Variants in TAF12 observed in about 807,000 individuals in gnomAD.
TAF12 encodes the protein TATA-box binding protein associated factor 12, also known as transcription initiation factor TFIID subunit 12.
In TAF12, 3 loss-of-function variants were observed where a neutral mutation model predicts 20.8. That is an observed-to-expected ratio of 0.14 (90% CI 0.07 to 0.37). The LOEUF is 0.37. Among genes scored for constraint, TAF12 ranks in the 10% least tolerant of loss-of-function variants. The pLI, the probability that TAF12 is intolerant of heterozygous loss-of-function variation, is 1.00. For missense variants in TAF12, 131 were observed against 197.9 expected (o/e 0.66, Z 2.03); for synonymous variants, 69 against 70.2 (o/e 0.98, Z 0.09).
intron 4 of TAF12, among the ~76,000 whole-genome samples, chr1:28,607,789 A>G (rs1308056971): frequency 6.6e-6 from 1 of 152,060 alleles, no homozygotes; most frequent in East Asian, 1.9e-4. Context: ...GCAGTGAGCC[A>G]TAATCACACC....
rs1374665802 is a variant in TAF12 at position 28,635,557 on chromosome 1, G to C, written c.-85+7435C>G. On this transcript the variant is annotated intron_variant, in intron 1 of 5. Coordinates refer to ENST00000373824, the MANE Select transcript of TAF12 (RefSeq NM_005644.4). ...CCTGAACTCATGATCTGCCCACCTC[G>C]GCCTCCCAAAGTGCTGGGATTACAG... Among the ~76,000 whole-genome samples, 8 of 150,624 alleles carry C rather than the reference G, an allele frequency of 5.3e-5. No individual in the cohort carries two copies. The East Asian group carries it at 1.6e-3, about 30-fold the overall frequency.
At chr1:28,613,965 C>T (rs1184857075) in intron 3 of TAF12, among the ~76,000 whole-genome samples, 4 of 152,150 alleles carry the variant, frequency 2.6e-5, no homozygotes, top group Non-Finnish European at 5.9e-5. Flanking sequence ...ATAGGCCGGG[C>T]GTGGTGGCTC....
At chr1:28,604,385 C>T (rs1666597862) in intron 5 of TAF12, among the ~76,000 whole-genome samples, 1 of 152,196 alleles carries the variant, frequency 6.6e-6, no homozygotes, top group African/African-American at 2.4e-5. Flanking sequence ...ATCATGGAAA[C>T]ACTCAGATCA....
intron 1 of TAF12, among the ~76,000 whole-genome samples, chr1:28,639,544 A>G (rs1448332165): frequency 1.3e-5 from 2 of 152,112 alleles, no homozygotes; most frequent in Non-Finnish European, 2.9e-5. Flanking sequence ...TCAACGCTAG[A>G]GCCACAAATG....
At chr1:28,647,324 G>A (rs1668219780), upstream of TAF12, among the ~76,000 whole-genome samples, 1 of 151,486 alleles carries the variant, frequency 6.6e-6, no homozygotes, top group Non-Finnish European at 1.5e-5. Flanking sequence ...ATCTTCATCT[G>A]TCACCTAGGC....
upstream of TAF12, chr1:28,643,197 A>G: frequency 1.2e-6 from 1 of 808,122 alleles, no homozygotes; most frequent in Non-Finnish European, 1.5e-6. Context: ...TGGTGGCGAT[A>G]TTGAGCTGTG....
At chr1:28,603,677 C>T in intron 5 of TAF12, 103 bp from the exon 6 acceptor site, 2 of 1,213,768 alleles carry the variant, frequency 1.6e-6, no homozygotes, top group Non-Finnish European at 2.4e-6. Context: ...ACACTGTAGG[C>T]CGCAGCCCTC....
intron 4 of TAF12, among the ~76,000 whole-genome samples, chr1:28,612,197 C>G (rs944988961): frequency 9.2e-5 from 14 of 151,984 alleles, no homozygotes; most frequent in African/African-American, 3.4e-4. Context: ...TGACTGTAAT[C>G]CCAGCACTTT....
At chr1:28,627,855 C>T (rs932399232) in intron 1 of TAF12, among the ~76,000 whole-genome samples, 9 of 151,866 alleles carry the variant, frequency 5.9e-5, no homozygotes, top group South Asian at 2.1e-4. Context: ...AAAAACTAAA[C>T]GAAACAAAAG....
intron 1 of TAF12, among the ~76,000 whole-genome samples, chr1:28,624,771 A>AAAT (rs1051423780): frequency 5.3e-5 from 8 of 151,608 alleles, no homozygotes; most frequent in South Asian, 4.1e-4. Flanking sequence ...ATAAAAAAAT[A>AAAT]AATAATAATA....
At chr1:28,604,379 T>C (rs1339103204) in intron 5 of TAF12, among the ~76,000 whole-genome samples, 2 of 152,332 alleles carry the variant, frequency 1.3e-5, no homozygotes, top group East Asian at 1.9e-4. Context: ...CAGTCCATCA[T>C]GGAAACACTC....
chr1:28,638,173 G>GTATTTTATTTTATTTTATTT (rs766915282), intron 1 of TAF12, among the ~76,000 whole-genome samples: 12 of 150,286 alleles, frequency 8.0e-5, no homozygotes, highest in African/African-American at 2.9e-4. Flanking sequence ...GCTAATTTTT[G>GTATTTTATTTTATTTTATTT]TATTTTATTT....
chr1:28,608,915 T>C (rs1169773897), intron 4 of TAF12, among the ~76,000 whole-genome samples: 1 of 151,674 alleles, frequency 6.6e-6, no homozygotes, highest in African/African-American at 2.4e-5. Flanking sequence ...CATTCCAGCC[T>C]GGGCAAAAAG....
At chr1:28,621,234 T>C (rs980130282) in intron 2 of TAF12, among the ~76,000 whole-genome samples, 1 of 152,144 alleles carries the variant, frequency 6.6e-6, no homozygotes, top group Non-Finnish European at 1.5e-5. Flanking sequence ...CCTCCACTCA[T>C]TCCCTTGAAA....
chr1:28,633,875 G>A (rs1164581287), intron 1 of TAF12, among the ~76,000 whole-genome samples: 2 of 145,706 alleles, frequency 1.4e-5, no homozygotes, highest in African/African-American at 2.6e-5. Context: ...TTGTGCCATC[G>A]CACTCCAGCC....
At chr1:28,642,765 G>A (rs879702210) in intron 1 of TAF12, 45 of 985,172 alleles carry the variant, frequency 4.6e-5, no homozygotes, top group Non-Finnish European at 5.2e-5. Context: ...AGATGCCGGA[G>A]AACTCGCATC....
chr1:28,621,940 C>G lies in TAF12; in HGVS notation c.142G>C (p.Gly48Arg). The G allele has an allele frequency of 1.9e-6, 3 of 1,613,572 alleles. No homozygotes were observed. Among genetic ancestry groups the G allele is most frequent in the Non-Finnish European group, 2.5e-6 (3 of 1,179,884 alleles). Residue 48 changes from glycine (G) to arginine (R), a missense_variant, in exon 2 of 6, where the codon GGT becomes CGT. Physicochemically the swap from Gly to Arg is moderately radical, Grantham distance 125. Coordinates refer to ENST00000373824, the MANE Select transcript of TAF12 (RefSeq NM_005644.4). Reference protein sequence around the residue: ...VKIPGTPGAGGRLSPENNQVL... With the variant: ...VKIPGTPGAGRRLSPENNQVL... ...TGATTGTTTTCAGGGCTAAGACGAC[C>G]TCCTGCCCCAGGAGTGCCTGGTATC... is the stretch of plus-strand genomic sequence containing the variant.
chr1:28,632,465 G>C (rs917555284), intron 1 of TAF12, among the ~76,000 whole-genome samples: 3 of 152,066 alleles, frequency 2.0e-5, no homozygotes, highest in African/African-American at 4.8e-5. Context: ...GCAGTGTGCA[G>C]AGATCGCACC....
chr1:28,642,479 G>A (rs1668069023), intron 1 of TAF12, among the ~76,000 whole-genome samples: 1 of 151,996 alleles, frequency 6.6e-6, no homozygotes, highest in Non-Finnish European at 1.5e-5. Context: ...CCCCAAAGAA[G>A]CCCCAGTCTT....
Sources: allele counts gnomAD v4.1 joint callset (sites outside exome capture counted in the v4.1 genomes callset), GRCh38; gene constraint gnomAD v4.1.1; transcripts MANE v1.5; gene names NCBI Gene and HGNC (gene_info 2026-07-23, HGNC 2026-07-21).